Variants in XPNPEP1 observed in about 807,000 individuals in gnomAD.
XPNPEP1 encodes xaa-Pro aminopeptidase 1.
A neutral mutation model predicts 92.4 loss-of-function variants in XPNPEP1; 39 were observed. The ratio of observed to expected loss-of-function variants is 0.42; its 90% CI spans 0.33 to 0.55. XPNPEP1 has a LOEUF of 0.55. Among genes scored for constraint, XPNPEP1 ranks in the 20% least tolerant of loss-of-function variants. XPNPEP1 has a pLI of 0.08. For synonymous variants in XPNPEP1, 307 were observed against 299.4 expected (o/e 1.03, Z -0.26); for missense variants, 654 against 856.1 (o/e 0.76, Z 2.95).
rs1214239990 is a variant in XPNPEP1 at position 109,865,000 on chromosome 10, T to C, written c.*184A>G. 7 of 882,080 alleles carry C rather than the reference T, an allele frequency of 7.9e-6. No homozygotes were observed. The highest frequency in any genetic ancestry group is 1.2e-5 in the Non-Finnish European group (7 of 600,702). 54.6% of individuals were successfully genotyped at this position (882,080 alleles called of 1,614,324 possible). ...CTTGTTCTCAACAATTAAAAAATCATAAAAGACTGAGTGTTTGCAATAAAA... is the reference window on the plus strand; with the variant it reads ...CTTGTTCTCAACAATTAAAAAATCACAAAAGACTGAGTGTTTGCAATAAAA... On this transcript the variant is annotated 3_prime_UTR_variant, in exon 21 of 21. Coordinates refer to ENST00000502935, the MANE Select transcript of XPNPEP1 (RefSeq NM_020383.4).
At chr10:109,887,956 T>G (rs368901443) in intron 7 of XPNPEP1, 93 bp downstream of exon 7, 5 of 1,527,104 alleles carry the variant, frequency 3.3e-6, no homozygotes, top group Non-Finnish European at 4.4e-6. Flanking sequence ...CAGCTCCAAC[T>G]CGACTTGGAT....
intron 20 of XPNPEP1, among the ~76,000 whole-genome samples, chr10:109,866,938 C>CT (rs1847177879): frequency 6.6e-6 from 1 of 152,210 alleles, no homozygotes. Flanking sequence ...ACTGATTCTC[C>CT]TTCGAGGAAA....
rs764331117 is a variant in XPNPEP1 at position 109,864,882 on chromosome 10, C to T, written c.*302G>A. 3 of 381,848 alleles carry T rather than the reference C, an allele frequency of 7.9e-6. No individual in the cohort carries two copies. The highest frequency in any genetic ancestry group is 1.5e-5 in the Non-Finnish European group (3 of 201,974). The allele number at this position is 381,848 out of a possible 1,614,324, so 23.7% of individuals were successfully genotyped here. A position where few individuals can be genotyped will look rare whatever the true frequency, so the allele number is the denominator to read the frequency against. On this transcript the variant is annotated 3_prime_UTR_variant, in exon 21 of 21. Transcript: ENST00000502935. ...CCATCATGGAGCACTCACTGATTCC[C>T]CATCACTGGCCAAAGAAGTCGGGGC...
At chr10:109,903,761 C>T (rs1265682187) in intron 3 of XPNPEP1, among the ~76,000 whole-genome samples, 1 of 152,140 alleles carries the variant, frequency 6.6e-6, no homozygotes, top group Non-Finnish European at 1.5e-5. Context: ...TACCATAACT[C>T]AGGCTCAAAT....
chr10:109,923,067 C>T (rs974622908), intron 1 of XPNPEP1: 4 of 776,784 alleles, frequency 5.1e-6, no homozygotes, highest in Non-Finnish European at 6.3e-6. Context: ...GGGCCAACTT[C>T]CTCCAAGAAC....
Position 109,914,109 on chromosome 10 carries a change from C to T in XPNPEP1, c.121+902G>A, listed in dbSNP as rs1449075898. Among the ~76,000 whole-genome samples the T allele has an allele frequency of 1.3e-5, 2 of 151,194 alleles. 1 individual carries two copies. Among genetic ancestry groups the T allele is most frequent in the Admixed American group, 1.3e-4 (2 of 15,188 alleles). On this transcript the variant is annotated intron_variant, in intron 2 of 20. Coordinates refer to ENST00000502935, the MANE Select transcript of XPNPEP1 (RefSeq NM_020383.4). Reference sequence around the variant, plus strand: ...CTAAAAAAAAAAAAAACACATGGTTCTCCTTAGTAGTCGTTAGAGCAGTAC... The same window carrying T: ...CTAAAAAAAAAAAAAACACATGGTTTTCCTTAGTAGTCGTTAGAGCAGTAC...
chr10:109,894,314 T>C (rs1407143709), intron 3 of XPNPEP1, among the ~76,000 whole-genome samples: 2 of 151,890 alleles, frequency 1.3e-5, no homozygotes, highest in Non-Finnish European at 2.9e-5. Context: ...GGAGGACTGC[T>C]TGAGCCCAGG....
chr10:109,910,117 C>T (rs1260645199), intron 2 of XPNPEP1, among the ~76,000 whole-genome samples: 2 of 152,192 alleles, frequency 1.3e-5, no homozygotes, highest in South Asian at 2.1e-4. Context: ...CTATTCATTC[C>T]TCCTTCCTCC....
intron 2 of XPNPEP1, among the ~76,000 whole-genome samples, chr10:109,909,296 CG>C (rs1849731407): frequency 6.6e-6 from 1 of 151,926 alleles, no homozygotes; most frequent in Non-Finnish European, 1.5e-5. Flanking sequence ...TAAAGTATGG[CG>C]GGAGTGGATG....
chr10:109,890,929 A>T (rs899615395), intron 5 of XPNPEP1, among the ~76,000 whole-genome samples: 4 of 152,160 alleles, frequency 2.6e-5, no homozygotes, highest in African/African-American at 9.7e-5. Context: ...ACAAACAAGA[A>T]GCATCAGGTA....
At chr10:109,913,403 G>A (rs1158502933) in intron 2 of XPNPEP1, among the ~76,000 whole-genome samples, 3 of 152,214 alleles carry the variant, frequency 2.0e-5, no homozygotes, top group African/African-American at 7.2e-5. Flanking sequence ...AAGAATGGAA[G>A]GGGCCAGTTT....
Position 109,888,510 on chromosome 10 carries a change from A to G in XPNPEP1, c.501T>C (p.Ile167=), listed in dbSNP as rs1848527143. The G allele has an allele frequency of 6.2e-7, 1 of 1,610,200 alleles. No homozygotes were observed. The change falls in exon 6 of 21, where the codon ATT becomes ATC. Residue 167 remains isoleucine (I), a synonymous_variant. Coordinates refer to ENST00000502935, the MANE Select transcript of XPNPEP1 (RefSeq NM_020383.4). ...GSRVGVDPLI[I]PTDYWKKMAK... Reference sequence around the variant, plus strand: ...GGGACCAAGCTCACTTACCTGTAGGAATGATCAAGGGGTCCACACCAACCC... The same window carrying G: ...GGGACCAAGCTCACTTACCTGTAGGGATGATCAAGGGGTCCACACCAACCC...
intron 3 of XPNPEP1, among the ~76,000 whole-genome samples, chr10:109,906,117 C>G (rs1849545519): frequency 6.6e-6 from 1 of 152,118 alleles, no homozygotes; most frequent in Non-Finnish European, 1.5e-5. Context: ...ACAGAAATAC[C>G]CTTATCTACC....
At chr10:109,910,046 A>G (rs1446757204) in intron 2 of XPNPEP1, among the ~76,000 whole-genome samples, 1 of 152,188 alleles carries the variant, frequency 6.6e-6, no homozygotes, top group Non-Finnish European at 1.5e-5. Flanking sequence ...GCATGTATCC[A>G]CCATTATAGT....
At chr10:109,897,330 C>A (rs1849041213) in intron 3 of XPNPEP1, among the ~76,000 whole-genome samples, 1 of 152,042 alleles carries the variant, frequency 6.6e-6, no homozygotes, top group Non-Finnish European at 1.5e-5. Flanking sequence ...TTCCATGAAG[C>A]TTCCTGACCC....
intron 1 of XPNPEP1, among the ~76,000 whole-genome samples, chr10:109,921,352 G>C (rs560490465): frequency 6.6e-6 from 1 of 152,174 alleles, no homozygotes; most frequent in African/African-American, 2.4e-5. Flanking sequence ...GAACTTCTTC[G>C]ACCTACACCT....
At chr10:109,875,214 G>A (rs148171078) in intron 15 of XPNPEP1, among the ~76,000 whole-genome samples, 22 of 152,170 alleles carry the variant, frequency 1.4e-4, no homozygotes, top group African/African-American at 4.1e-4. Flanking sequence ...ACCGGCAGGC[G>A]GTTCATGGGC....
chr10:109,871,291 G>C (rs1416050571), intron 17 of XPNPEP1, among the ~76,000 whole-genome samples: 1 of 152,176 alleles, frequency 6.6e-6, no homozygotes, highest in Admixed American at 6.5e-5. Context: ...AGGGAGATGA[G>C]TACATGTCTA....
chr10:109,871,284 G>A (rs1321282608), intron 17 of XPNPEP1, among the ~76,000 whole-genome samples: 1 of 152,158 alleles, frequency 6.6e-6, no homozygotes, highest in Non-Finnish European at 1.5e-5. Context: ...GAGGCCTAGG[G>A]AGATGAGTAC....
Sources: allele counts gnomAD v4.1 joint callset (sites outside exome capture counted in the v4.1 genomes callset), GRCh38; gene constraint gnomAD v4.1.1; transcripts MANE v1.5; gene names NCBI Gene and HGNC (gene_info 2026-07-23, HGNC 2026-07-21).